OPCML: variants seen among roughly 807,000 people sequenced by gnomAD.
The protein encoded by OPCML is opioid binding protein/cell adhesion molecule like, also known as opioid-binding protein/cell adhesion molecule.
OPCML carries 13 observed loss-of-function variants against 37.8 expected under a neutral mutation model. That is an observed-to-expected ratio of 0.34 (90% confidence interval 0.22 to 0.55). The LOEUF is 0.55. Ranked by LOEUF, OPCML falls within the 20% of genes least tolerant of loss-of-function variation. OPCML has a pLI of 0.91. For missense variants in OPCML, 341 were observed against 435.6 expected, an observed-to-expected ratio of 0.78 and a Z score of 1.93; for synonymous variants, 176 against 168.8, an observed-to-expected ratio of 1.04 and a Z score of -0.33.
intron 2 of OPCML, among the ~76,000 whole-genome samples, chr11:132,898,320 T>A (rs561798033): frequency 6.6e-6 from 1 of 152,312 alleles, no homozygotes; most frequent in East Asian, 1.9e-4. Flanking sequence ...TTGCCTTCCC[T>A]CCATGCAATG....
intron 1 of OPCML, among the ~76,000 whole-genome samples, chr11:133,073,611 CCT>C (rs1254533506): frequency 6.6e-6 from 1 of 152,198 alleles, no homozygotes; most frequent in Non-Finnish European, 1.5e-5. Context: ...TCCATTTACC[CCT>C]GAGTTCTCCA....
At chr11:132,883,146 C>T (rs1174877407) in intron 2 of OPCML, among the ~76,000 whole-genome samples, 1 of 152,158 alleles carries the variant, frequency 6.6e-6, no homozygotes, top group Non-Finnish European at 1.5e-5. Context: ...GGCACTGGAT[C>T]TTATACGCCT....
chr11:133,238,309 T>G (rs528598065), intron 1 of OPCML, among the ~76,000 whole-genome samples: 32 of 152,342 alleles, frequency 2.1e-4, no homozygotes, highest in African/African-American at 7.7e-4. Context: ...TGGTCCATGC[T>G]GAGATGTACT....
intron 1 of OPCML, chr11:133,420,419 T>C (rs1183906360): frequency 3.0e-6 from 3 of 985,466 alleles, no homozygotes; most frequent in Admixed American, 1.2e-4. Flanking sequence ...CAATGCAGTA[T>C]ATCAGTTGAA....
chr11:133,175,054 C>T (rs566624616), intron 1 of OPCML, among the ~76,000 whole-genome samples: 3 of 152,166 alleles, frequency 2.0e-5, no homozygotes, highest in South Asian at 2.1e-4. Flanking sequence ...CAGTAAGCTA[C>T]GATTATGCCC....
chr11:132,671,083 G>A (rs755259463), intron 2 of OPCML, among the ~76,000 whole-genome samples: 10 of 152,088 alleles, frequency 6.6e-5, no homozygotes, highest in African/African-American at 9.7e-5. Context: ...TTACACATCT[G>A]AACAAAACCT....
chr11:133,496,857 T>C (rs1214323754), intron 1 of OPCML, among the ~76,000 whole-genome samples: 1 of 152,222 alleles, frequency 6.6e-6, no homozygotes, highest in Non-Finnish European at 1.5e-5. Flanking sequence ...CAGGGACAGT[T>C]TGACTTCCTC....
intron 3 of OPCML, among the ~76,000 whole-genome samples, chr11:132,569,171 T>C (rs2096431498): frequency 6.6e-6 from 1 of 152,202 alleles, no homozygotes; most frequent in Non-Finnish European, 1.5e-5. Context: ...AGAAAGTGGC[T>C]GTATTTGAAG....
At position 132,803,706 on chromosome 11, in the gene OPCML, T is replaced by C. The variant is rs145984391; in HGVS notation, c.146+139220A>G. On this transcript the variant is annotated intron_variant, in intron 2 of 7. Transcript: ENST00000524381. ...CTTTCCACCAGAAGGTAGCATAGTA[T>C]AGTTGTTAAGGTATAGGAGCTAAAA... Among the ~76,000 whole-genome samples the C allele has an allele frequency of 2.6e-5, 4 of 152,348 alleles. No homozygotes were observed. In the East Asian group the frequency reaches 7.7e-4, roughly 29 times the overall value.
At chr11:133,215,408 G>A (rs995731933) in intron 1 of OPCML, among the ~76,000 whole-genome samples, 7 of 152,122 alleles carry the variant, frequency 4.6e-5, no homozygotes, top group South Asian at 2.1e-4. Context: ...TTGCCCTCTC[G>A]GGCAGCAGAT....
intron 4 of OPCML, among the ~76,000 whole-genome samples, chr11:132,514,076 G>A (rs990585993): frequency 6.6e-6 from 1 of 152,080 alleles, no homozygotes; most frequent in Non-Finnish European, 1.5e-5. Context: ...AAGTGTGTAT[G>A]GTAGTCTCTG....
chr11:132,776,292 G>A (rs1328740085), intron 2 of OPCML, among the ~76,000 whole-genome samples: 2 of 152,170 alleles, frequency 1.3e-5, no homozygotes, highest in Admixed American at 1.3e-4. Context: ...TTAACTTCAT[G>A]CTAATGCACC....
chr11:132,848,480 G>C (rs1194837490), intron 2 of OPCML, among the ~76,000 whole-genome samples: 1 of 152,120 alleles, frequency 6.6e-6, no homozygotes, highest in African/African-American at 2.4e-5. Flanking sequence ...AGAATATTTG[G>C]CATTTCTCTC....
chr11:132,709,877 C>T (rs2135945036), intron 2 of OPCML, among the ~76,000 whole-genome samples: 1 of 152,256 alleles, frequency 6.6e-6, no homozygotes, highest in African/African-American at 2.4e-5. Flanking sequence ...TTTTTACCCC[C>T]TAATTTAAGC....
chr11:133,116,271 G>A (rs7119374), intron 1 of OPCML, among the ~76,000 whole-genome samples: 18,740 of 152,182 alleles, frequency 0.12, 1,243 homozygotes, highest in East Asian at 0.23. Flanking sequence ...CCGGCCAAGG[G>A]CATTATTTAC....
At chr11:133,249,889 A>C (rs1941068352) in intron 1 of OPCML, among the ~76,000 whole-genome samples, 1 of 152,224 alleles carries the variant, frequency 6.6e-6, no homozygotes, top group East Asian at 1.9e-4. Flanking sequence ...GATGAAAAAA[A>C]GGCATAGAAA....
intron 4 of OPCML, among the ~76,000 whole-genome samples, chr11:132,505,144 C>T (rs1438496562): frequency 6.6e-6 from 1 of 152,084 alleles, no homozygotes; most frequent in African/African-American, 2.4e-5. Context: ...AGAATTAAAA[C>T]AGGACTCAAA....
intron 1 of OPCML, among the ~76,000 whole-genome samples, chr11:133,405,304 G>T (rs976284062): frequency 6.6e-6 from 1 of 152,154 alleles, no homozygotes; most frequent in Non-Finnish European, 1.5e-5. Flanking sequence ...GCTGAATCTG[G>T]GGGCACATAA....
At chr11:133,201,906 A>T (rs938887755) in intron 1 of OPCML, among the ~76,000 whole-genome samples, 1 of 152,200 alleles carries the variant, frequency 6.6e-6, no homozygotes, top group African/African-American at 2.4e-5. Flanking sequence ...CCATTCATTC[A>T]ATCAATGGTT....
Sources: gnomAD v4.1 joint callset for allele counts (sites outside exome capture counted in the v4.1 genomes callset) on GRCh38, gnomAD v4.1.1 for gene constraint, MANE v1.5 for transcripts, NCBI Gene and HGNC (gene_info 2026-07-23, HGNC 2026-07-21) for gene names.